Variants in MSRA observed in about 807,000 individuals in gnomAD.
MSRA encodes mitochondrial peptide methionine sulfoxide reductase.
A neutral mutation model predicts 31.3 loss-of-function variants in MSRA; 54 were observed. The observed-to-expected ratio is 1.73, with a 90% CI of 1.39 to 2.17. The LOEUF (loss-of-function observed/expected upper bound fraction) is 2.17. MSRA is among the 30% of genes most tolerant of loss of function. The probability of loss-of-function intolerance (pLI) is 0.00; values close to 1 mark genes in which losing one functional copy is unlikely to be tolerated. For missense variants in MSRA, 507 were observed against 300.9 expected (o/e 1.69, Z -5.07); for synonymous variants, 169 against 116.5 (o/e 1.45, Z -2.90).
intron 3 of MSRA, among the ~76,000 whole-genome samples, chr8:10,291,880 A>G (rs112918953): frequency 0.018 from 2,715 of 152,286 alleles, 91 homozygotes; most frequent in African/African-American, 0.062. Flanking sequence ...TTTAAAGATC[A>G]GTTTCTTACC....
At chr8:10,243,979 C>G (rs1363151576) in intron 2 of MSRA, among the ~76,000 whole-genome samples, 1 of 152,084 alleles carries the variant, frequency 6.6e-6, no homozygotes, top group Non-Finnish European at 1.5e-5. Flanking sequence ...TAACTTTATT[C>G]AAATTACTTT....
chr8:10,071,470 T>C (rs914646678), intron 1 of MSRA, among the ~76,000 whole-genome samples: 194 of 151,490 alleles, frequency 1.3e-3, no homozygotes, highest in South Asian at 7.5e-3. Flanking sequence ...TTTTTTTTTT[T>C]TTTTCTTAAG....
chr8:10,190,668 T>C (rs900701421), intron 1 of MSRA, among the ~76,000 whole-genome samples: 2 of 152,250 alleles, frequency 1.3e-5, no homozygotes, highest in African/African-American at 2.4e-5. Context: ...TAGTATTCTT[T>C]ATATTAGACT....
chr8:10,422,186 T>G (rs759727518), intron 5 of MSRA, among the ~76,000 whole-genome samples: 9 of 152,168 alleles, frequency 5.9e-5, no homozygotes, highest in Non-Finnish European at 1.0e-4. Flanking sequence ...CTGGAGGGGC[T>G]GAGGTACAAG....
At position 10,061,283 on chromosome 8, in the gene MSRA, C is replaced by G. The variant is rs75347602; in HGVS notation, c.142+6625C>G. Among the ~76,000 whole-genome samples the G allele has an allele frequency of 8.8e-3, 1,337 of 152,220 alleles. 20 individuals are homozygous for G. The highest frequency in any genetic ancestry group is 0.029 in the African/African-American group (1,208 of 41,514). On this transcript the variant is annotated intron_variant, in intron 1 of 5. Transcript: ENST00000317173. ...GCACACTTGGATCTTTTTACTTAGT[C>G]ATTCATTAAATGTCTATTAAAGGCC...
At chr8:10,073,917 T>C (rs1032240013) in intron 1 of MSRA, among the ~76,000 whole-genome samples, 6 of 152,052 alleles carry the variant, frequency 3.9e-5, no homozygotes. Flanking sequence ...TCCTATAGTT[T>C]GTATTGCTGT....
chr8:10,373,552 T>C (rs1415336546), intron 5 of MSRA, among the ~76,000 whole-genome samples: 1 of 152,258 alleles, frequency 6.6e-6, no homozygotes, highest in Non-Finnish European at 1.5e-5. Flanking sequence ...CTGGTACTTT[T>C]GACACAGCAC....
chr8:10,179,409 T>C (rs1806344792), intron 1 of MSRA, among the ~76,000 whole-genome samples: 1 of 152,224 alleles, frequency 6.6e-6, no homozygotes, highest in Non-Finnish European at 1.5e-5. Context: ...TCTCCATGGT[T>C]ACTTTCAGCT....
chr8:10,245,240 T>C lies in MSRA; in HGVS notation c.331+17T>C. The C allele has an allele frequency of 6.2e-7, 1 of 1,611,616 alleles. No individual in the cohort carries two copies. Among genetic ancestry groups the C allele is most frequent in the Non-Finnish European group, 8.5e-7 (1 of 1,178,850 alleles). ...TCTGCTCAGGTAGGAAGAATTTGCT[T>C]TATTGTATTACTAGGAGAAACAAGG... On this transcript the variant is annotated intron_variant, in intron 3 of 5. Coordinates refer to ENST00000317173, the MANE Select transcript of MSRA (RefSeq NM_012331.5).
chr8:10,097,918 A>G (rs1304032437), intron 1 of MSRA, among the ~76,000 whole-genome samples: 1 of 152,166 alleles, frequency 6.6e-6, no homozygotes, highest in Non-Finnish European at 1.5e-5. Flanking sequence ...GAAGTTTCTT[A>G]CCAATAGAAA....
chr8:10,375,749 C>T (rs999494186), intron 5 of MSRA, among the ~76,000 whole-genome samples: 6 of 152,262 alleles, frequency 3.9e-5, no homozygotes, highest in South Asian at 2.1e-4. Context: ...CATCTTGCTT[C>T]GGGGGTTGAA....
At chr8:10,321,339 T>A (rs1802031206) in intron 5 of MSRA, among the ~76,000 whole-genome samples, 2 of 152,070 alleles carry the variant, frequency 1.3e-5, no homozygotes, top group Admixed American at 1.3e-4. Context: ...CAGGAATGAG[T>A]GCAGAGACGA....
At chr8:10,161,441 A>C (rs1457827369) in intron 1 of MSRA, among the ~76,000 whole-genome samples, 1 of 152,086 alleles carries the variant, frequency 6.6e-6, no homozygotes, top group Non-Finnish European at 1.5e-5. Context: ...CAAAGGCCCA[A>C]CCTTCCATAG....
chr8:10,305,655 G>T, intron 4 of MSRA, among the ~76,000 whole-genome samples: 1 of 152,058 alleles, frequency 6.6e-6, no homozygotes. Context: ...CTCATGATTC[G>T]CCCACCTCGG....
chr8:10,397,410 A>C (rs929358485), intron 5 of MSRA, among the ~76,000 whole-genome samples: 1 of 152,208 alleles, frequency 6.6e-6, no homozygotes, highest in African/African-American at 2.4e-5. Context: ...CAGGGAGTTC[A>C]TTGAGCTGAA....
rs537520359 is a variant in MSRA at position 10,428,735 on chromosome 8, C to G, written c.*423C>G. 1.5e-5 allele frequency: 3 copies of G among 195,316 alleles called. No homozygotes were observed. The highest frequency in any genetic ancestry group is 7.2e-5 in the African/African-American group (3 of 41,868). The allele number at this position is 195,316 out of a possible 1,614,324, so 12.1% of individuals were successfully genotyped here. On this transcript the variant is annotated 3_prime_UTR_variant, in exon 6 of 6. Transcript: ENST00000317173. ...GTGACTCATTCGCTGAAATCCTTCG[C>G]TTTACCAAATCTAGACATACATAAG...
chr8:10,120,960 C>T (rs1000865191), intron 1 of MSRA, among the ~76,000 whole-genome samples: 2 of 152,130 alleles, frequency 1.3e-5, no homozygotes, highest in Non-Finnish European at 2.9e-5. Context: ...AATTTAATTA[C>T]GTTTTAAGTG....
chr8:10,154,998 T>TA (rs1804023039), intron 1 of MSRA, among the ~76,000 whole-genome samples: 6 of 103,062 alleles, frequency 5.8e-5, no homozygotes, highest in East Asian at 4.4e-4. Flanking sequence ...AATGTGTATA[T>TA]ATTTTATATA....
intron 1 of MSRA, among the ~76,000 whole-genome samples, chr8:10,140,060 G>A (rs975125885): frequency 3.9e-5 from 6 of 152,212 alleles, no homozygotes; most frequent in African/African-American, 1.4e-4. Context: ...GAAGAGCGAG[G>A]GAAACAGGGA....
Sources: gnomAD v4.1 joint callset for allele counts (sites outside exome capture counted in the v4.1 genomes callset) on GRCh38, gnomAD v4.1.1 for gene constraint, MANE v1.5 for transcripts, NCBI Gene and HGNC (gene_info 2026-07-23, HGNC 2026-07-21) for gene names.